Variants in TPM3 observed in about 807,000 individuals in gnomAD.
TPM3 encodes the protein tropomyosin alpha-3 chain.
Under a neutral mutation model 43.1 loss-of-function variants are expected in TPM3, and 16 were observed. The observed-to-expected ratio is 0.37, with a 90% confidence interval of 0.25 to 0.56. The LOEUF is 0.56. Ranked by LOEUF, TPM3 falls within the 20% of genes least tolerant of loss-of-function variation. The pLI is 0.77. For synonymous variants in TPM3, 101 were observed against 116.9 expected, an observed-to-expected ratio of 0.86 and a Z score of 0.88; for missense variants, 176 against 337.2, an observed-to-expected ratio of 0.52 and a Z score of 3.74.
intron 5 of TPM3, chr1:154,171,991 C>A: frequency 1.2e-6 from 2 of 1,610,080 alleles, no homozygotes; most frequent in Non-Finnish European, 8.5e-7. Flanking sequence ...AAAACCACAC[C>A]ACATATATAA....
downstream of TPM3, chr1:154,157,413 T>C (rs1057251305): frequency 6.3e-6 from 4 of 637,516 alleles, no homozygotes; most frequent in Admixed American, 1.0e-4. Flanking sequence ...CACATTCCCT[T>C]AAATGTTGTT....
At chr1:154,183,267 T>A in intron 2 of TPM3, 1 of 1,518,350 alleles carries the variant, frequency 6.6e-7, no homozygotes, top group Admixed American at 2.0e-5. Context: ...TGCCGCGCCC[T>A]CCCACCGCCA....
downstream of TPM3, among the ~76,000 whole-genome samples, chr1:154,160,168 A>C (rs1033658206): frequency 6.6e-6 from 1 of 152,190 alleles, no homozygotes; most frequent in Non-Finnish European, 1.5e-5. Context: ...CACAGGGATA[A>C]TACAACTTTG....
Position 154,162,464 on chromosome 1 carries a change from AAGCTGCCAAAC to A in TPM3, c.*5462_*5472del, listed in dbSNP as rs920673416. 1.5e-4 allele frequency among the ~76,000 whole-genome samples: 23 copies of A among 151,816 alleles called. No homozygotes were observed. The highest frequency in any genetic ancestry group is 3.1e-4 in the Non-Finnish European group (21 of 67,990). On this transcript the variant is annotated 3_prime_UTR_variant, in exon 10 of 10. Transcript: ENST00000651641. ...AAGAGATTTGGTTGGGGCTAAGATA[AAGCTGCCAAAC>A]AGAATAGGTCTAAGATAAAGCTGCC...
Position 154,162,907 on chromosome 1 carries a change from CTTTT to C in TPM3, c.*5026_*5029del, listed in dbSNP as rs886045291. Reference sequence around the variant, plus strand: ...CTCCCAATCTCCCTCTTATTTCCTTCTTTTTTTTCTCTCCTGCCTCAGCCTCTCG... The same window carrying C: ...CTCCCAATCTCCCTCTTATTTCCTTCTTTTCTCTCCTGCCTCAGCCTCTCG... On this transcript the variant is annotated 3_prime_UTR_variant, in exon 10 of 10. Coordinates refer to ENST00000651641, the MANE Select transcript of TPM3 (RefSeq NM_152263.4). Among the ~76,000 whole-genome samples, 1 of 152,024 alleles carries C rather than the reference CTTTT, an allele frequency of 6.6e-6. No homozygotes were observed. Among genetic ancestry groups the C allele is most frequent in the African/African-American group, 2.4e-5 (1 of 41,376 alleles).
At chr1:154,174,318 G>C (rs1344465022) in intron 3 of TPM3, among the ~76,000 whole-genome samples, 1 of 146,480 alleles carries the variant, frequency 6.8e-6, no homozygotes, top group African/African-American at 2.5e-5. Context: ...CTAGGGGATA[G>C]AGTGAGACTC....
At chr1:154,169,506 A>G in intron 8 of TPM3, 123 bp from the exon 9 acceptor site, 1 of 940,898 alleles carries the variant, frequency 1.1e-6, no homozygotes, top group Non-Finnish European at 1.7e-6. Flanking sequence ...TACCACAGTT[A>G]GGAAAATATC....
At chr1:154,173,619 G>A (rs7517127) in intron 3 of TPM3, among the ~76,000 whole-genome samples, 46,563 of 150,738 alleles carry the variant, frequency 0.31, 8,017 homozygotes, top group Admixed American at 0.46. Context: ...AGCCGAGATC[G>A]AGCCATTGCA....
chr1:154,167,344 C>T lies in TPM3; in HGVS notation c.*593G>A, dbSNP rs1661093321. Reference sequence around the variant, plus strand: ...GTTCACTGGGTGTTCTGAGGATGCACCATTTGAACCACCGGTAAAAGGGTA... The same window carrying T: ...GTTCACTGGGTGTTCTGAGGATGCATCATTTGAACCACCGGTAAAAGGGTA... On this transcript the variant is annotated 3_prime_UTR_variant, in exon 10 of 10. Transcript: ENST00000651641. 4.7e-6 allele frequency: 5 copies of T among 1,057,300 alleles called. No individual in the cohort carries two copies. Among genetic ancestry groups the T allele is most frequent in the Non-Finnish European group, 4.6e-6 (4 of 874,502 alleles). 65.5% of individuals were successfully genotyped at this position (1,057,300 alleles called of 1,614,324 possible). A position where few individuals can be genotyped will look rare whatever the true frequency, so the allele number is the denominator to read the frequency against.
intron 2 of TPM3, 105 bp from the exon 3 acceptor site, chr1:154,176,353 C>T: frequency 1.3e-6 from 2 of 1,534,184 alleles, no homozygotes; most frequent in Non-Finnish European, 1.8e-6. Flanking sequence ...AAGCCAGAGT[C>T]TCGCAGGGTA....
In TPM3 at chr1:154,166,304, C is replaced by T. The variant is rs1660952692; in HGVS notation, c.*1633G>A. ...GTACTACAGTGGCTATTTATAGGTG[C>T]AATCCCACTACTGATCAGCACAGGA... On this transcript the variant is annotated 3_prime_UTR_variant, in exon 10 of 10. Coordinates refer to ENST00000651641, the MANE Select transcript of TPM3 (RefSeq NM_152263.4). 1 of 228,438 alleles carries T rather than the reference C, an allele frequency of 4.4e-6. No homozygotes were observed. The highest frequency in any genetic ancestry group is 8.7e-6 in the Non-Finnish European group (1 of 115,350). 14.2% of individuals were successfully genotyped at this position (228,438 alleles called of 1,614,324 possible).
At position 154,166,205 on chromosome 1, in the gene TPM3, CT is replaced by C. The variant is rs1431585418; in HGVS notation, c.*1731del. On this transcript the variant is annotated 3_prime_UTR_variant, in exon 10 of 10. Transcript: ENST00000651641. Reference sequence around the variant, plus strand: ...TTTAGATTAAGGAAAACTTCCCTACCTGATTATATCTGTTTAAAAGAAGAGC... The same window carrying C: ...TTTAGATTAAGGAAAACTTCCCTACCGATTATATCTGTTTAAAAGAAGAGC... 4.4e-6 allele frequency: 1 copy of C among 228,360 alleles called. No homozygotes were observed. Among genetic ancestry groups the C allele is most frequent in the Non-Finnish European group, 8.7e-6 (1 of 115,190 alleles). 14.1% of individuals were successfully genotyped at this position (228,360 alleles called of 1,614,324 possible).
chr1:154,167,847 G>C lies in TPM3; in HGVS notation c.*90C>G. On this transcript the variant is annotated 3_prime_UTR_variant, in exon 10 of 10. Coordinates refer to ENST00000651641, the MANE Select transcript of TPM3 (RefSeq NM_152263.4). ...TAATGCCTTGGGGACCAGCCAGGCT[G>C]ACCCAAATGGAATCCAGAGCGAGAG... 6.2e-7 allele frequency: 1 copy of C among 1,613,118 alleles called. No homozygotes were observed. The highest frequency in any genetic ancestry group is 8.5e-7 in the Non-Finnish European group (1 of 1,179,416).
At chr1:154,157,779 C>T (rs1006887126), downstream of TPM3, 14 of 779,648 alleles carry the variant, frequency 1.8e-5, no homozygotes, top group Admixed American at 3.4e-5. Flanking sequence ...AAGGTCTACC[C>T]GCTCTTTGAG....
chr1:154,171,214 G>A, intron 6 of TPM3, 199 bp downstream of exon 6: 2 of 658,280 alleles, frequency 3.0e-6, no homozygotes, highest in Non-Finnish European at 5.4e-6. Context: ...AGTAACCTGA[G>A]ACCAAGAAGT....
intron 5 of TPM3, chr1:154,172,190 G>T: frequency 7.2e-7 from 1 of 1,384,258 alleles, no homozygotes; most frequent in South Asian, 1.2e-5. Flanking sequence ...AAAACAAGCA[G>T]CAAAACGAAA....
At chr1:154,173,243 G>T in intron 3 of TPM3, 42 bp from the exon 4 acceptor site, 1 of 1,544,262 alleles carries the variant, frequency 6.5e-7, no homozygotes, top group Non-Finnish European at 8.9e-7. Context: ...ACCCTGAGGA[G>T]TGTGTCGTCA....
At chr1:154,182,381 G>T (rs1663056723) in intron 2 of TPM3, among the ~76,000 whole-genome samples, 1 of 152,208 alleles carries the variant, frequency 6.6e-6, no homozygotes. Context: ...GATGAGAGGC[G>T]GTCCTGTGGC....
downstream of TPM3, chr1:154,159,018 C>T (rs768966738): frequency 7.7e-6 from 6 of 780,598 alleles, no homozygotes; most frequent in East Asian, 2.4e-5. Context: ...AGAAAGCAGG[C>T]GGTTTCGCTC....
Sources: allele counts gnomAD v4.1 joint callset (sites outside exome capture counted in the v4.1 genomes callset), GRCh38; gene constraint gnomAD v4.1.1; transcripts MANE v1.5; gene names NCBI Gene and HGNC (gene_info 2026-07-23, HGNC 2026-07-21).